The following CFAP44 variants were observed in gnomAD, a reference collection of about 807,000 sequenced individuals.
CFAP44 encodes cilia and flagella associated protein 44, also known as cilia- and flagella-associated protein 44.
A neutral mutation model predicts 216.2 loss-of-function variants in CFAP44; 134 were observed. That is an observed-to-expected ratio of 0.62 (90% CI 0.54 to 0.72). CFAP44 has a LOEUF of 0.72. CFAP44 is among the 30% of genes least tolerant of loss of function. The pLI, the probability that CFAP44 is intolerant of heterozygous loss-of-function variation, is 0.00. For synonymous variants in CFAP44, 700 were observed against 727.6 expected, an observed-to-expected ratio of 0.96 and a Z score of 0.61; for missense variants, 2,035 against 2,182.1, an observed-to-expected ratio of 0.93 and a Z score of 1.34.
chr3:113,297,600 T>C (rs1949894692), intron 32 of CFAP44, among the ~76,000 whole-genome samples: 1 of 152,220 alleles, frequency 6.6e-6, no homozygotes, highest in Non-Finnish European at 1.5e-5. Context: ...CCATGGAGGC[T>C]TTCCCTGCCT....
At chr3:113,366,587 G>T (rs7650500) in intron 18 of CFAP44, among the ~76,000 whole-genome samples, 12,321 of 152,108 alleles carry the variant, frequency 0.081, 601 homozygotes, top group East Asian at 0.15. Flanking sequence ...ATCAAAGGGG[G>T]TCACTTCCAA....
At chr3:113,434,156 T>C (rs58425568) in intron 1 of CFAP44, among the ~76,000 whole-genome samples, 1,920 of 152,324 alleles carry the variant, frequency 0.013, 35 homozygotes, top group African/African-American at 0.043. Context: ...CCTAACTTTA[T>C]GGAGCTTGTT....
chr3:113,393,013 T>C (rs965974011), intron 15 of CFAP44, among the ~76,000 whole-genome samples: 8 of 152,124 alleles, frequency 5.3e-5, no homozygotes, highest in Admixed American at 6.5e-5. Flanking sequence ...AAAGTGAACA[T>C]GGTAGTAGCC....
At chr3:113,324,042 C>CAAAAAAAAAAAAAAAAAAAAAAAAAAA (rs200919084) in intron 28 of CFAP44, among the ~76,000 whole-genome samples, 3 of 71,868 alleles carry the variant, frequency 4.2e-5, no homozygotes, top group South Asian at 5.5e-4. Context: ...GACTCCGTCT[C>CAAAAAAAAAAAAAAAAAAAAAAAAAAA]AAAAAAAAAA....
At chr3:113,380,762 C>T in intron 16 of CFAP44, 137 bp downstream of exon 16, 1 of 681,200 alleles carries the variant, frequency 1.5e-6, no homozygotes, top group African/African-American at 1.9e-5. Flanking sequence ...AGCTGCTTTC[C>T]TACCAGATTA....
chr3:113,309,291 T>C (rs989745072), intron 28 of CFAP44, among the ~76,000 whole-genome samples: 1 of 152,190 alleles, frequency 6.6e-6, no homozygotes, highest in African/African-American at 2.4e-5. Context: ...TCAGCAAAAG[T>C]CCTGTTAAAA....
At chr3:113,298,801 C>G (rs1418720591) in intron 32 of CFAP44, among the ~76,000 whole-genome samples, 4 of 152,110 alleles carry the variant, frequency 2.6e-5, no homozygotes, top group Non-Finnish European at 5.9e-5. Context: ...TTCACAGAGA[C>G]AGAAAGTAGA....
intron 22 of CFAP44, among the ~76,000 whole-genome samples, chr3:113,348,739 C>T (rs922003109): frequency 6.6e-6 from 1 of 152,160 alleles, no homozygotes; most frequent in Admixed American, 6.5e-5. Context: ...TTTGGCCCAA[C>T]CCGGGTACAT....
At chr3:113,376,167 GA>G (rs1448252191) in intron 17 of CFAP44, among the ~76,000 whole-genome samples, 37 of 152,108 alleles carry the variant, frequency 2.4e-4, no homozygotes, top group African/African-American at 8.7e-4. Context: ...AATAGTAAAG[GA>G]AAGAGAAGAA....
chr3:113,381,109 G>T, intron 15 of CFAP44, 49 bp from the exon 16 acceptor site: 2 of 1,367,304 alleles, frequency 1.5e-6, no homozygotes, highest in Non-Finnish European at 2.0e-6. Flanking sequence ...ATTTTTAAAA[G>T]CATAGTTTAA....
intron 15 of CFAP44, among the ~76,000 whole-genome samples, chr3:113,390,499 T>C (rs4682486): frequency 0.53 from 80,679 of 151,830 alleles, 22,622 homozygotes; most frequent in African/African-American, 0.7. Context: ...CTAGATAGAG[T>C]AATCAGATAA....
At chr3:113,437,318 G>A (rs978623081) in intron 1 of CFAP44, among the ~76,000 whole-genome samples, 3 of 151,964 alleles carry the variant, frequency 2.0e-5, no homozygotes, top group Admixed American at 6.6e-5. Flanking sequence ...ATAACTGAAC[G>A]TTAACTGGAT....
intron 28 of CFAP44, among the ~76,000 whole-genome samples, chr3:113,314,434 A>G (rs1950068881): frequency 6.6e-6 from 1 of 152,224 alleles, no homozygotes; most frequent in Non-Finnish European, 1.5e-5. Flanking sequence ...CCAAGTGAAA[A>G]TGTCTTTCAA....
chr3:113,333,322 G>C, intron 25 of CFAP44, 84 bp downstream of exon 25: 1 of 1,150,734 alleles, frequency 8.7e-7, no homozygotes, highest in Non-Finnish European at 1.2e-6. Flanking sequence ...TTATTGACCA[G>C]ATAGGGAAAT....
At chr3:113,305,286 G>C (rs1451550379) in intron 30 of CFAP44, 134 bp from the exon 31 acceptor site, 1 of 722,848 alleles carries the variant, frequency 1.4e-6, no homozygotes, top group African/African-American at 1.8e-5. Context: ...TTAAGTGCAT[G>C]ATCCCAGTTT....
intron 31 of CFAP44, 191 bp from the exon 32 acceptor site, chr3:113,304,308 C>A (rs1471047200): frequency 1.7e-6 from 1 of 601,476 alleles, no homozygotes; most frequent in East Asian, 2.8e-5. Flanking sequence ...AAAGCCACAT[C>A]ACGTCTCTGT....
rs949885676 is a variant in CFAP44 at position 113,407,058 on chromosome 3, G to C, written c.891-17C>G. 6.4e-7 allele frequency: 1 copy of C among 1,559,716 alleles called. No homozygotes were observed. Among genetic ancestry groups the C allele is most frequent in the Non-Finnish European group, 8.8e-7 (1 of 1,130,900 alleles). On this transcript the variant is annotated splice_polypyrimidine_tract_variant and intron_variant, in intron 7 of 34. Coordinates refer to ENST00000393845, the MANE Select transcript of CFAP44 (RefSeq NM_001164496.2). ...TCCCAGAACCTACAAACAAGAAAGA[G>C]ACTGAATGTACCTCAAAGATATTTT...
chr3:113,397,756 G>A (rs952553540), intron 13 of CFAP44, among the ~76,000 whole-genome samples: 1 of 152,142 alleles, frequency 6.6e-6, no homozygotes, highest in Non-Finnish European at 1.5e-5. Flanking sequence ...GACTGATAAT[G>A]GCACTAACTG....
intron 22 of CFAP44, among the ~76,000 whole-genome samples, chr3:113,349,324 A>T (rs1950419261): frequency 6.6e-6 from 1 of 152,156 alleles, no homozygotes; most frequent in Non-Finnish European, 1.5e-5. Context: ...AAAGCTCCAA[A>T]AGCTAGCCCT....
Sources: gnomAD v4.1 joint callset for allele counts (sites outside exome capture counted in the v4.1 genomes callset) on GRCh38, gnomAD v4.1.1 for gene constraint, MANE v1.5 for transcripts, NCBI Gene and HGNC (gene_info 2026-07-23, HGNC 2026-07-21) for gene names.